KCNQ1: variants seen among roughly 807,000 people sequenced by gnomAD.
KCNQ1 encodes potassium voltage-gated channel subfamily KQT member 1.
Under a neutral mutation model 72.4 loss-of-function variants are expected in KCNQ1, and 49 were observed. That is an observed-to-expected ratio of 0.68 (90% confidence interval 0.54 to 0.86). The LOEUF (loss-of-function observed/expected upper bound fraction) is 0.86. Ranked by LOEUF, KCNQ1 falls within the 40% of genes least tolerant of loss-of-function variation. The pLI is 0.00. For missense variants in KCNQ1, 790 were observed against 945.1 expected, an observed-to-expected ratio of 0.84 and a Z score of 2.15; for synonymous variants, 450 against 412.6, an observed-to-expected ratio of 1.09 and a Z score of -1.10.
Position 2,445,357 on chromosome 11 carries a change from C to A in KCNQ1, c.259C>A (p.Leu87Ile). The A allele has an allele frequency of 6.3e-7, 1 of 1,596,990 alleles. No homozygotes were observed. Among genetic ancestry groups the A allele is most frequent in the Non-Finnish European group, 8.5e-7 (1 of 1,179,296 alleles). ...CCTTGGCCCGCGGCCGCCGGTGAGC[C>A]TAGACCCGCGCGTCTCCATCTACAG... The part of the protein sequence containing the change: ...SDLGPRPPVS[L>I]DPRVSIYSTR... Residue 87 changes from leucine to isoleucine, a missense_variant, in exon 1 of 16, where the codon CTA becomes ATA. Coordinates refer to ENST00000155840, the MANE Select transcript of KCNQ1 (RefSeq NM_000218.3).
At chr11:2,610,494 C>A in intron 10 of KCNQ1, 1 of 398,256 alleles carries the variant, frequency 2.5e-6, no homozygotes. Flanking sequence ...GGTGGTATTT[C>A]CTTACTCTAG....
rs1466335412 is a variant in KCNQ1, at chr11:2,803,883, C to T, written c.1794+25846C>T. Among the ~76,000 whole-genome samples the T allele has an allele frequency of 1.3e-5, 2 of 152,200 alleles. No homozygotes were observed. Among genetic ancestry groups the T allele is most frequent in the Non-Finnish European group, 2.9e-5 (2 of 68,034 alleles). ...ACTCAGGTACTCAGGACACCCCACACCAGCCATTGGATGGGGCCGCCTCTG... is the reference window on the plus strand; with the variant it reads ...ACTCAGGTACTCAGGACACCCCACATCAGCCATTGGATGGGGCCGCCTCTG... On this transcript the variant is annotated intron_variant, in intron 15 of 15. Transcript: ENST00000155840. This position sits in a 1 kb window ranked among gnomAD's most constrained non-coding sequence, Gnocchi z 6.4.
In KCNQ1 at chr11:2,817,617, T is replaced by TGGGCAGAGCCCTG. The variant is rs1461739372; in HGVS notation, c.1795-30145_1795-30144insGAGCCCTGGGGCA. On this transcript the variant is annotated intron_variant, in intron 15 of 15. Coordinates refer to ENST00000155840, the MANE Select transcript of KCNQ1 (RefSeq NM_000218.3). This position sits in a 1 kb window ranked among gnomAD's most constrained non-coding sequence, Gnocchi z 6.1. ...AGGTGGAGGACGCTGGGCAGAGCCC[T>TGGGCAGAGCCCTG]GGGCATTAACTCAGGGCCATCACAG... is the stretch of plus-strand genomic sequence containing the variant. Among the ~76,000 whole-genome samples, 2 of 152,130 alleles carry TGGGCAGAGCCCTG rather than the reference T, an allele frequency of 1.3e-5. No homozygotes were observed. Among genetic ancestry groups the TGGGCAGAGCCCTG allele is most frequent in the Non-Finnish European group, 2.9e-5 (2 of 68,000 alleles).
At chr11:2,662,518 G>A in intron 11 of KCNQ1, 1 of 426,616 alleles carries the variant, frequency 2.3e-6, no homozygotes, top group African/African-American at 2.0e-5. Context: ...TTCAGGTGGA[G>A]GAAATGGCTG....
At chr11:2,765,298 A>T (rs1303558845) in intron 11 of KCNQ1, among the ~76,000 whole-genome samples, 2 of 152,126 alleles carry the variant, frequency 1.3e-5, no homozygotes, top group Non-Finnish European at 2.9e-5. Context: ...ATACATGGAG[A>T]TTCCCTAGTT....
At chr11:2,833,284 C>G (rs234862) in intron 15 of KCNQ1, among the ~76,000 whole-genome samples, 75,150 of 152,046 alleles carry the variant, frequency 0.49, 19,276 homozygotes, top group African/African-American at 0.6. Context: ...GACTTCTGGA[C>G]ACAATGGCAG....
chr11:2,691,124 G>C lies in KCNQ1; in HGVS notation c.1514+29043G>C. On this transcript the variant is annotated intron_variant, in intron 11 of 15. Coordinates refer to ENST00000155840, the MANE Select transcript of KCNQ1 (RefSeq NM_000218.3). The surrounding 1 kb of genome is among the most constrained non-coding windows in gnomAD (Gnocchi z 6.4). ...CAACAGTAGGGGTGGAGGCTGTGCA[G>C]ACCTGGTGCAGAGTCTGTGCTGGCC... The C allele has an allele frequency of 2.5e-6, 1 of 398,704 alleles. No homozygotes were observed. The highest frequency in any genetic ancestry group is 3.6e-5 in the East Asian group (1 of 28,080). The allele number at this position is 398,704 out of a possible 1,614,324, so 24.7% of individuals were successfully genotyped here. A position where few individuals can be genotyped will look rare whatever the true frequency, so the allele number is the denominator to read the frequency against.
In KCNQ1 at chr11:2,544,390, ATGTG is replaced by A. The variant is rs543689348; in HGVS notation, c.477+16374_477+16377del. Among the ~76,000 whole-genome samples the A allele has an allele frequency of 1.8e-5, 2 of 108,762 alleles. No homozygotes were observed. The highest frequency in any genetic ancestry group is 7.2e-5 in the African/African-American group (2 of 27,858). 71.4% of individuals were successfully genotyped at this position (108,762 alleles called of 152,430 possible). A position where few individuals can be genotyped will look rare whatever the true frequency, so the allele number is the denominator to read the frequency against. ...TATGTGTATATATATGTGTGCATAT[ATGTG>A]TATATATGTGTGTGTATATATATAT... On this transcript the variant is annotated intron_variant, in intron 2 of 15. Coordinates refer to ENST00000155840, the MANE Select transcript of KCNQ1 (RefSeq NM_000218.3). The surrounding 1 kb of genome is among the most constrained non-coding windows in gnomAD (Gnocchi z 4.4).
Position 2,663,125 on chromosome 11 carries a change from T to C in KCNQ1, c.1514+1044T>C, listed in dbSNP as rs1431037950. The stretch of plus-strand genomic sequence containing the variant: ...GAGTGGCTATCTTAAGGGGTAATTA[T>C]GATCAGACAGGACCTGCCCACTGTC... On this transcript the variant is annotated intron_variant, in intron 11 of 15. Transcript: ENST00000155840. The surrounding 1 kb of genome is among the most constrained non-coding windows in gnomAD (Gnocchi z 5.2). 3 of 398,582 alleles carry C rather than the reference T, an allele frequency of 7.5e-6. No homozygotes were observed. Among genetic ancestry groups the C allele is most frequent in the Admixed American group, 4.4e-5 (1 of 22,720 alleles). The allele number at this position is 398,582 out of a possible 1,614,324, so 24.7% of individuals were successfully genotyped here. A position where few individuals can be genotyped will look rare whatever the true frequency, so the allele number is the denominator to read the frequency against.
chr11:2,844,142 G>A (rs919077919), intron 15 of KCNQ1, among the ~76,000 whole-genome samples: 13 of 152,198 alleles, frequency 8.5e-5, no homozygotes, highest in Admixed American at 3.3e-4. Flanking sequence ...AGATGAAGGC[G>A]CCCTGCCCGC....
intron 1 of KCNQ1, among the ~76,000 whole-genome samples, chr11:2,453,462 CAGAA>C (rs1399617255): frequency 1.3e-5 from 2 of 152,130 alleles, no homozygotes; most frequent in African/African-American, 2.4e-5. Flanking sequence ...CTGTTTACTA[CAGAA>C]AGAGTTTCTG....
In KCNQ1 at chr11:2,685,736, A is replaced by G. The variant is rs368584718; in HGVS notation, c.1514+23655A>G. ...GGGAGGGTGCTCTGACAGTCCGCCGAAATGGCCAGCAGGCAGGCATCCTCC... is the reference window on the plus strand; with the variant it reads ...GGGAGGGTGCTCTGACAGTCCGCCGGAATGGCCAGCAGGCAGGCATCCTCC... On this transcript the variant is annotated intron_variant, in intron 11 of 15. Coordinates refer to ENST00000155840, the MANE Select transcript of KCNQ1 (RefSeq NM_000218.3). The G allele has an allele frequency of 4.9e-4, 194 of 398,668 alleles. 1 individual carries two copies. Among genetic ancestry groups the G allele is most frequent in the African/African-American group, 3.8e-3 (184 of 48,728 alleles). The allele number at this position is 398,668 out of a possible 1,614,324, so 24.7% of individuals were successfully genotyped here. A position where few individuals can be genotyped will look rare whatever the true frequency, so the allele number is the denominator to read the frequency against.
chr11:2,717,177 G>T (rs1851106859), intron 11 of KCNQ1, among the ~76,000 whole-genome samples: 1 of 152,188 alleles, frequency 6.6e-6, no homozygotes, highest in African/African-American at 2.4e-5. Flanking sequence ...ACTGATGGCT[G>T]CAGTGCGACA....
Position 2,663,998 on chromosome 11 carries a change from G to C in KCNQ1, c.1514+1917G>C. ...TCCCCAAGCTCTCTGCCCACTTTGG[G>C]TCTGGCACATTACCATTCTGCAAGA... On this transcript the variant is annotated intron_variant, in intron 11 of 15. Coordinates refer to ENST00000155840, the MANE Select transcript of KCNQ1 (RefSeq NM_000218.3). The surrounding 1 kb of genome is among the most constrained non-coding windows in gnomAD (Gnocchi z 5.2). The C allele has an allele frequency of 2.5e-6, 1 of 398,726 alleles. No homozygotes were observed. The highest frequency in any genetic ancestry group is 3.6e-5 in the East Asian group (1 of 28,078). 24.7% of individuals were successfully genotyped at this position (398,726 alleles called of 1,614,324 possible). A position where few individuals can be genotyped will look rare whatever the true frequency, so the allele number is the denominator to read the frequency against.
intron 1 of KCNQ1, among the ~76,000 whole-genome samples, chr11:2,517,749 C>A (rs1480402524): frequency 1.3e-5 from 2 of 152,194 alleles, no homozygotes. Context: ...GCACGTCCTG[C>A]CCGCTCACAC....
intron 15 of KCNQ1, among the ~76,000 whole-genome samples, chr11:2,814,241 TAGAG>T (rs1325535762): frequency 1.4e-5 from 2 of 138,690 alleles, no homozygotes; most frequent in African/African-American, 6.2e-5. Context: ...AATGCAGAGA[TAGAG>T]GGAAGGAGGG....
At position 2,677,627 on chromosome 11, in the gene KCNQ1, A is replaced by G. The variant is rs1036583087; in HGVS notation, c.1514+15546A>G. On this transcript the variant is annotated intron_variant, in intron 11 of 15. Transcript: ENST00000155840. This position sits in a 1 kb window ranked among gnomAD's most constrained non-coding sequence, Gnocchi z 4.5. Reference sequence around the variant, plus strand: ...ATTTGTTTTTTTCTAAAACGTGTACATAATTGTAACTCTAACAACTGTTAT... The same window carrying G: ...ATTTGTTTTTTTCTAAAACGTGTACGTAATTGTAACTCTAACAACTGTTAT... The G allele has an allele frequency of 2.5e-6, 1 of 398,534 alleles. No individual in the cohort carries two copies. The highest frequency in any genetic ancestry group is 2.1e-5 in the African/African-American group (1 of 48,642). 24.7% of individuals were successfully genotyped at this position (398,534 alleles called of 1,614,324 possible).
intron 15 of KCNQ1, among the ~76,000 whole-genome samples, chr11:2,832,156 C>A (rs1019199188): frequency 1.9e-4 from 29 of 152,192 alleles, no homozygotes; most frequent in Admixed American, 6.5e-5. Flanking sequence ...CCGGTCCCCA[C>A]CCTACCCTTT....
chr11:2,689,332 C>T (rs1273985724), intron 11 of KCNQ1: 2 of 398,508 alleles, frequency 5.0e-6, no homozygotes, highest in Admixed American at 4.4e-5. Flanking sequence ...TGCCCCTATC[C>T]GCAGAGCTTG....
Sources: gnomAD v4.1 joint callset for allele counts (sites outside exome capture counted in the v4.1 genomes callset) on GRCh38, gnomAD v4.1.1 for gene constraint, Gnocchi (gnomAD v3.1) non-coding constraint, MANE v1.5 for transcripts, NCBI Gene and HGNC (gene_info 2026-07-23, HGNC 2026-07-21) for gene names.